The following CFHR5 variants were observed in gnomAD, a reference collection of about 807,000 sequenced individuals.
CFHR5 encodes complement factor H-related protein 5.
In CFHR5, 73 loss-of-function variants were observed where a neutral mutation model predicts 62.9. That is an observed-to-expected ratio of 1.16 (90% CI 0.96 to 1.41). CFHR5 has a LOEUF of 1.41. Ranked by LOEUF, CFHR5 falls within the 40% of genes most tolerant of loss-of-function variation. The pLI, the probability that CFHR5 is intolerant of heterozygous loss-of-function variation, is 0.00. For missense variants in CFHR5, 779 were observed against 679.9 expected, an observed-to-expected ratio of 1.15 and a Z score of -1.62; for synonymous variants, 249 against 227.2, an observed-to-expected ratio of 1.10 and a Z score of -0.86.
At chr1:196,984,757 A>G (rs796611694) in intron 3 of CFHR5, among the ~76,000 whole-genome samples, 1 of 152,150 alleles carries the variant, frequency 6.6e-6, no homozygotes, top group Non-Finnish European at 1.5e-5. Flanking sequence ...ACACCTCAGT[A>G]TTCAACCAAA....
At chr1:196,977,071 T>G (rs1653414222), upstream of CFHR5, among the ~76,000 whole-genome samples, 1 of 152,046 alleles carries the variant, frequency 6.6e-6, no homozygotes, top group South Asian at 2.1e-4. Flanking sequence ...CCTCCCAAAG[T>G]GCTGGGATTA....
rs189063643 is a variant in CFHR5, at chr1:197,001,992, A to G, written c.1148-490A>G. Among the ~76,000 whole-genome samples, 108 of 152,232 alleles carry G rather than the reference A, an allele frequency of 7.1e-4. 3 individuals carry two copies. The East Asian group carries it at 0.018, about 26-fold the overall frequency. ...CAACGGAGGCATTCCAGTTATGTTC[A>G]TTACCAGCCATTCTCATGTTTACAA... On this transcript the variant is annotated intron_variant, in intron 7 of 9. Transcript: ENST00000256785.
Position 196,982,893 on chromosome 1 carries a change from T to C in CFHR5, c.67T>C (p.Cys23Arg). 4.3e-6 allele frequency: 7 copies of C among 1,613,888 alleles called. No individual in the cohort carries two copies. Among genetic ancestry groups the C allele is most frequent in the South Asian group, 1.1e-5 (1 of 91,020 alleles). Reference protein sequence around the residue: ...VSTVGGEGTLCDFPKIHHGFL... With the variant: ...VSTVGGEGTLRDFPKIHHGFL... ...TGTGTTATTTTTCCCAGGAACACTT[T>C]GTGATTTTCCAAAAATACACCATGG... The change falls in exon 2 of 10, where the codon TGT becomes CGT. Residue 23 changes from cysteine to arginine, a missense_variant. Physicochemically the swap from Cys to Arg is radical, Grantham distance 180. Coordinates refer to ENST00000256785, the MANE Select transcript of CFHR5 (RefSeq NM_030787.4).
At chr1:196,977,503 T>C (rs1161252934), upstream of CFHR5, 1 of 712,060 alleles carries the variant, frequency 1.4e-6, no homozygotes, top group Non-Finnish European at 2.6e-6. Context: ...CACACAACCC[T>C]CCATGAACTT....
chr1:196,976,799 C>CTTTTTTTTTTTTTTTTTTTTTTT (rs10588279), upstream of CFHR5, among the ~76,000 whole-genome samples: 3 of 98,144 alleles, frequency 3.1e-5, no homozygotes, highest in African/African-American at 1.4e-4. Flanking sequence ...AAAAATTATT[C>CTTTTTTTTTTTTTTTTTTTTTTT]TTTTTTTTTT....
chr1:196,988,681 G>C (rs1653760697), intron 3 of CFHR5, among the ~76,000 whole-genome samples: 1 of 152,162 alleles, frequency 6.6e-6, no homozygotes, highest in Admixed American at 6.5e-5. Flanking sequence ...TTATTAGTTT[G>C]TATATGTTGA....
intron 7 of CFHR5, among the ~76,000 whole-genome samples, chr1:197,001,180 G>A (rs1374343429): frequency 6.6e-6 from 1 of 151,988 alleles, no homozygotes; most frequent in Non-Finnish European, 1.5e-5. Context: ...TAAGTAGGAC[G>A]AGTCATATAA....
chr1:197,007,750 CATATA>C (rs1216235079), intron 9 of CFHR5, among the ~76,000 whole-genome samples: 1 of 145,906 alleles, frequency 6.9e-6, no homozygotes, highest in East Asian at 2.0e-4. Context: ...TATATGTATA[CATATA>C]ATATACATAT....
At chr1:196,980,591 C>CGTGTGT (rs57437038) in intron 1 of CFHR5, among the ~76,000 whole-genome samples, 108 of 145,548 alleles carry the variant, frequency 7.4e-4, no homozygotes, top group Admixed American at 1.5e-3. Flanking sequence ...TGTATATATA[C>CGTGTGT]GTGTGTGTGT....
chr1:196,983,834 C>T (rs1653606057), intron 2 of CFHR5, 127 bp from the exon 3 acceptor site: 1 of 628,410 alleles, frequency 1.6e-6, no homozygotes, highest in Non-Finnish European at 2.8e-6. Context: ...GTAGCATGAC[C>T]CAAATTCTTT....
At chr1:196,985,283 G>A (rs1653653533) in intron 3 of CFHR5, among the ~76,000 whole-genome samples, 1 of 152,168 alleles carries the variant, frequency 6.6e-6, no homozygotes, top group South Asian at 2.1e-4. Context: ...CAAAGCTTCA[G>A]TGAGTTATGA....
At chr1:196,994,956 G>T (rs1653950196) in intron 4 of CFHR5, among the ~76,000 whole-genome samples, 1 of 152,044 alleles carries the variant, frequency 6.6e-6, no homozygotes, top group Non-Finnish European at 1.5e-5. Context: ...GCACAGGAAA[G>T]ATCCGCCCCA....
chr1:197,008,434 A>C, intron 9 of CFHR5, 53 bp from the exon 10 acceptor site: 1 of 1,059,636 alleles, frequency 9.4e-7, no homozygotes, highest in Non-Finnish European at 1.3e-6. Flanking sequence ...ATTCTATGAA[A>C]GGTAAAGATG....
upstream of CFHR5, among the ~76,000 whole-genome samples, chr1:196,976,394 G>A (rs1653394020): frequency 6.6e-6 from 1 of 151,878 alleles, no homozygotes; most frequent in Admixed American, 6.6e-5. Flanking sequence ...TATTCAATAG[G>A]ATCCTCGGGC....
In CFHR5 at chr1:196,996,160, C is replaced by G; in HGVS notation, c.929C>G (p.Thr310Ser). The change falls in exon 6 of 10, where the codon ACC (threonine) becomes AGC (serine). Residue 310 changes from threonine to serine, a missense_variant. Physicochemically the swap from Thr to Ser is moderately conservative, Grantham distance 58. Transcript: ENST00000256785. ...GCAATGATTGGAAATAACATGATTA[C>G]CTGTATTAATGGAATATGGACAGAG... ...EYAMIGNNMI[T>S]CINGIWTELP... 1.2e-6 allele frequency: 2 copies of G among 1,613,026 alleles called. No homozygotes were observed. The highest frequency in any genetic ancestry group is 1.1e-5 in the South Asian group (1 of 91,058).
chr1:196,978,584 TAA>T (rs1413206565), intron 1 of CFHR5, among the ~76,000 whole-genome samples: 4 of 152,284 alleles, frequency 2.6e-5, no homozygotes, highest in Non-Finnish European at 5.9e-5. Flanking sequence ...AGTCCTGACA[TAA>T]GAGAAAAATA....
chr1:196,994,711 T>C (rs1489603315), intron 4 of CFHR5, among the ~76,000 whole-genome samples: 2 of 152,214 alleles, frequency 1.3e-5, no homozygotes, highest in African/African-American at 2.4e-5. Flanking sequence ...ATTTGAAGTA[T>C]GTATTAGTCC....
chr1:197,001,055 A>G (rs192722503), intron 7 of CFHR5, among the ~76,000 whole-genome samples: 4 of 152,268 alleles, frequency 2.6e-5, no homozygotes, highest in African/African-American at 9.6e-5. Flanking sequence ...TTTCTTTTGC[A>G]GTTAATTACT....
intron 1 of CFHR5, among the ~76,000 whole-genome samples, chr1:196,982,106 C>A (rs1161832535): frequency 2.0e-5 from 3 of 151,728 alleles, no homozygotes; most frequent in Non-Finnish European, 4.4e-5. Flanking sequence ...ATTACCTACC[C>A]AACATTTTTA....
Sources: allele counts gnomAD v4.1 joint callset (sites outside exome capture counted in the v4.1 genomes callset), GRCh38; gene constraint gnomAD v4.1.1; transcripts MANE v1.5; gene names NCBI Gene and HGNC (gene_info 2026-07-23, HGNC 2026-07-21).